PBRM1: variants seen among roughly 807,000 people sequenced by gnomAD.
PBRM1 encodes polybromo 1.
PBRM1 carries 27 observed loss-of-function variants against 194.5 expected under a neutral mutation model. The observed-to-expected ratio is 0.14, with a 90% confidence interval of 0.10 to 0.19. PBRM1 has a LOEUF of 0.19. Among genes scored for constraint, PBRM1 ranks in the 10% least tolerant of loss-of-function variants. The pLI is 1.00. For missense variants in PBRM1, 1,466 were observed against 2,077.2 expected (o/e 0.71, Z 5.72); for synonymous variants, 655 against 693.2 (o/e 0.94, Z 0.87).
intron 10 of PBRM1, among the ~76,000 whole-genome samples, chr3:52,635,368 C>A (rs1286049494): frequency 6.6e-6 from 1 of 152,082 alleles, no homozygotes; most frequent in East Asian, 1.9e-4. Context: ...GAGTTCGAGA[C>A]CAGCGTGGCC....
chr3:52,637,164 C>CCTTA, intron 10 of PBRM1, among the ~76,000 whole-genome samples: 1 of 152,158 alleles, frequency 6.6e-6, no homozygotes, highest in Non-Finnish European at 1.5e-5. Flanking sequence ...TTTGTTGCTA[C>CCTTA]TGTAAGCGGC....
intron 3 of PBRM1, among the ~76,000 whole-genome samples, chr3:52,667,292 T>C (rs962595681): frequency 1.3e-5 from 2 of 152,214 alleles, no homozygotes; most frequent in East Asian, 3.8e-4. Context: ...GATTGATAAA[T>C]TTGATTAAAC....
At chr3:52,648,648 CA>C (rs2096397723) in intron 6 of PBRM1, among the ~76,000 whole-genome samples, 1 of 152,088 alleles carries the variant, frequency 6.6e-6, no homozygotes, top group South Asian at 2.1e-4. Flanking sequence ...AGATAGGTAA[CA>C]AAACCAGAGC....
At chr3:52,658,700 C>A (rs2096657842) in intron 4 of PBRM1, among the ~76,000 whole-genome samples, 2 of 152,060 alleles carry the variant, frequency 1.3e-5, no homozygotes, top group South Asian at 4.1e-4. Flanking sequence ...CCAAAGAAAG[C>A]AACTTCTAAG....
chr3:52,583,435 T>C (rs1364437733), intron 20 of PBRM1, among the ~76,000 whole-genome samples: 1 of 151,408 alleles, frequency 6.6e-6, no homozygotes, highest in East Asian at 1.9e-4. Flanking sequence ...AAAACACCAA[T>C]AGGAGAAAAG....
chr3:52,548,264 A>AT, intron 29 of PBRM1, 29 bp from the exon 32 acceptor site: 1 of 1,530,618 alleles, frequency 6.5e-7, no homozygotes, highest in Non-Finnish European at 8.7e-7. Flanking sequence ...AGAGACAGAA[A>AT]TTAGAATTTT....
intron 7 of PBRM1, among the ~76,000 whole-genome samples, chr3:52,647,617 A>G (rs985262641): frequency 6.6e-6 from 1 of 151,738 alleles, no homozygotes; most frequent in East Asian, 1.9e-4. Flanking sequence ...AATACAGTGT[A>G]TATCCCTATA....
chr3:52,678,555 T>C (rs373517762), exon 2 of PBRM1: 7 of 1,613,648 alleles, frequency 4.3e-6, no homozygotes, highest in Non-Finnish European at 5.9e-6. Flanking sequence ...TGTTCATCCT[T>C]ATAGTCTCGG....
intron 6 of PBRM1, among the ~76,000 whole-genome samples, 200 bp downstream of exon 7, chr3:52,651,542 C>T (rs1011213890): frequency 6.6e-6 from 1 of 152,136 alleles, no homozygotes; most frequent in Non-Finnish European, 1.5e-5. Flanking sequence ...TCAGAAATGT[C>T]GGTAACCAAT....
chr3:52,592,630 A>G (rs2336146), intron 17 of PBRM1, among the ~76,000 whole-genome samples: 69,248 of 151,984 alleles, frequency 0.46, 16,125 homozygotes, highest in African/African-American at 0.52. Flanking sequence ...TTTTTCTGTT[A>G]TCTCTGCCAG....
At chr3:52,607,881 G>A (rs539366388) in intron 16 of PBRM1, among the ~76,000 whole-genome samples, 2 of 152,274 alleles carry the variant, frequency 1.3e-5, no homozygotes, top group East Asian at 3.9e-4. Context: ...TGTCACACAT[G>A]GGCCTCACCA....
At chr3:52,602,779 T>G (rs1197360258) in intron 17 of PBRM1, among the ~76,000 whole-genome samples, 1 of 152,178 alleles carries the variant, frequency 6.6e-6, no homozygotes, top group South Asian at 2.1e-4. Flanking sequence ...GCTGGCAAAA[T>G]TACTATTCTC....
chr3:52,570,231 C>T (rs1287142828), intron 22 of PBRM1, among the ~76,000 whole-genome samples: 1 of 152,190 alleles, frequency 6.6e-6, no homozygotes, highest in Non-Finnish European at 1.5e-5. Flanking sequence ...CCCTCCTTGG[C>T]CTCTCATAGT....
rs36056285 is a variant in PBRM1 at position 52,587,570 on chromosome 3, C to CT, written c.2966-61dup. ...AGAGAATCATTGTTAACAGAAATCA[C>CT]TTTTTTTTTTTTTTTTTTTTAAAGA... On this transcript the variant is annotated intron_variant, in intron 18 of 29. Coordinates refer to ENST00000296302, the Ensembl canonical transcript of PBRM1. 100,244 of 716,016 alleles carry CT rather than the reference C, an allele frequency of 0.14. 807 individuals are homozygous for CT. The highest frequency in any genetic ancestry group is 0.21 in the African/African-American group (10,110 of 47,592). 44.4% of individuals were successfully genotyped at this position (716,016 alleles called of 1,614,324 possible). A position where few individuals can be genotyped will look rare whatever the true frequency, so the allele number is the denominator to read the frequency against.
At chr3:52,553,957 C>T (rs1325189943) in intron 27 of PBRM1, among the ~76,000 whole-genome samples, 5 of 151,828 alleles carry the variant, frequency 3.3e-5, no homozygotes, top group South Asian at 2.1e-4. Flanking sequence ...CCATCGTGCC[C>T]GGCCTAACAC....
exon 15 of PBRM1, chr3:52,615,419 T>C (rs1267343896): frequency 6.2e-7 from 1 of 1,610,720 alleles, no homozygotes; most frequent in African/African-American, 1.3e-5. Context: ...CCTTTTCTCC[T>C]TGAGTAACTT....
intron 24 of PBRM1, among the ~76,000 whole-genome samples, chr3:52,562,700 T>G (rs2083960365): frequency 6.6e-6 from 1 of 152,082 alleles, no homozygotes; most frequent in Non-Finnish European, 1.5e-5. Context: ...TGCATCACCA[T>G]GCCTAATTTT....
At chr3:52,546,550 A>G (rs902843894), downstream of PBRM1, 1 of 230,276 alleles carries the variant, frequency 4.3e-6, no homozygotes, top group Non-Finnish European at 8.6e-6. Context: ...ACAGTAATTA[A>G]ACATCTGGGT....
Position 52,649,582 on chromosome 3 carries a change from A to G in PBRM1, c.715-1140T>C, listed in dbSNP as rs2096432103. On this transcript the variant is annotated intron_variant, in intron 6 of 29. Transcript: ENST00000296302. ...TAGTTCCTCAACCTTTCTTCTCAACATTTCTATGAGCTATCCAATATGCTT... is the reference window on the plus strand; with the variant it reads ...TAGTTCCTCAACCTTTCTTCTCAACGTTTCTATGAGCTATCCAATATGCTT... Among the ~76,000 whole-genome samples the G allele has an allele frequency of 2.0e-5, 3 of 152,146 alleles. No homozygotes were observed. The South Asian group carries it at 6.2e-4, about 32-fold the overall frequency.
Sources: gnomAD v4.1 joint callset for allele counts (sites outside exome capture counted in the v4.1 genomes callset) on GRCh38, gnomAD v4.1.1 for gene constraint, MANE v1.5 for transcripts, NCBI Gene and HGNC (gene_info 2026-07-23, HGNC 2026-07-21) for gene names.